HYKK: variants seen among roughly 807,000 people sequenced by gnomAD.
HYKK encodes the protein hydroxylysine kinase.
HYKK carries 19 observed loss-of-function variants against 29.7 expected under a neutral mutation model. The ratio of observed to expected loss-of-function variants is 0.64; its 90% CI spans 0.45 to 0.94. The LOEUF (loss-of-function observed/expected upper bound fraction) is 0.94, where lower values mean the gene tolerates loss of function less well. HYKK is among the 40% of genes least tolerant of loss of function. The pLI is 0.00. For synonymous variants in HYKK, 152 were observed against 158.1 expected, an observed-to-expected ratio of 0.96 and a Z score of 0.29; for missense variants, 390 against 443.4, an observed-to-expected ratio of 0.88 and a Z score of 1.08.
At chr15:78,527,812 A>G (rs2052270823) in intron 4 of HYKK, 1 of 1,045,298 alleles carries the variant, frequency 9.6e-7, no homozygotes, top group South Asian at 2.5e-5. Context: ...TGTATGATTT[A>G]TAAATTATTT....
intron 3 of HYKK, among the ~76,000 whole-genome samples, chr15:78,524,789 A>G (rs1383485824): frequency 6.6e-6 from 1 of 152,138 alleles, no homozygotes; most frequent in Admixed American, 6.6e-5. Flanking sequence ...AGCCTGGGCA[A>G]CAGAGAGAGA....
Position 78,533,289 on chromosome 15 carries a change from A to G in HYKK, c.741A>G (p.Gln247=), listed in dbSNP as rs2052329431. 8 of 1,614,108 alleles carry G rather than the reference A, an allele frequency of 5.0e-6. No individual in the cohort carries two copies. The highest frequency in any genetic ancestry group is 6.8e-6 in the Non-Finnish European group (8 of 1,179,918). The change falls in exon 5 of 5, where the codon CAA becomes CAG. Residue 247 remains glutamine, a synonymous_variant. Transcript: ENST00000388988. Reference sequence around the variant, plus strand: ...CAGCCTCTGGAAATGCTGAATATCAAGTGTCTGGGATTTTAGACTTTGGTG... The same window carrying G: ...CAGCCTCTGGAAATGCTGAATATCAGGTGTCTGGGATTTTAGACTTTGGTG... ...SKSASGNAEY[Q]VSGILDFGDM... is the part of the protein sequence containing the mutation.
intron 4 of HYKK, among the ~76,000 whole-genome samples, chr15:78,530,277 T>G (rs1370842902): frequency 1.3e-5 from 2 of 151,618 alleles, no homozygotes; most frequent in South Asian, 4.2e-4. Context: ...CTCAGCTCAC[T>G]GCAACGTCCA....
intron 3 of HYKK, among the ~76,000 whole-genome samples, chr15:78,516,430 C>T (rs150002817): frequency 2.7e-5 from 4 of 149,504 alleles, no homozygotes; most frequent in Non-Finnish European, 4.4e-5. Flanking sequence ...AATGCAGCCT[C>T]GAATTCCCAG....
At chr15:78,527,311 A>C in intron 3 of HYKK, 69 bp from the exon 4 acceptor site, 7 of 1,194,534 alleles carry the variant, frequency 5.9e-6, no homozygotes, top group Non-Finnish European at 7.1e-6. Context: ...AAAAATGTGC[A>C]GCACCTCCCA....
chr15:78,526,571 G>A (rs984903711), intron 3 of HYKK, among the ~76,000 whole-genome samples: 1 of 152,202 alleles, frequency 6.6e-6, no homozygotes, highest in Non-Finnish European at 1.5e-5. Flanking sequence ...GCTGTGAGGT[G>A]GGAACGTGCC....
At chr15:78,520,965 G>A (rs1250307137) in intron 3 of HYKK, among the ~76,000 whole-genome samples, 2 of 151,888 alleles carry the variant, frequency 1.3e-5, no homozygotes, top group South Asian at 2.1e-4. Context: ...CGGGCGGGGG[G>A]CTGACCCCCC....
intron 4 of HYKK, among the ~76,000 whole-genome samples, chr15:78,532,804 A>C (rs914028406): frequency 6.6e-6 from 1 of 152,220 alleles, no homozygotes; most frequent in African/African-American, 2.4e-5. Flanking sequence ...AAGAATAAAA[A>C]TTTAAAAATA....
Position 78,534,669 on chromosome 15 carries a change from G to C in HYKK, c.*999G>C, listed in dbSNP as rs1238603980. 1 of 152,144 alleles carries C rather than the reference G, an allele frequency of 6.6e-6. No individual in the cohort carries two copies. Among genetic ancestry groups the C allele is most frequent in the African/African-American group, 2.4e-5 (1 of 41,434 alleles). The allele number at this position is 152,144 out of a possible 1,614,324, so 9.4% of individuals were successfully genotyped here. ...GGATGGAGAAGGCACACACTAAGAT[G>C]CTTTAGGAGAAAGCATTGACAGCAT... On this transcript the variant is annotated 3_prime_UTR_variant, in exon 5 of 5. Coordinates refer to ENST00000388988, the MANE Select transcript of HYKK (RefSeq NM_001013619.4).
chr15:78,528,680 G>C (rs1386851099), intron 4 of HYKK: 2 of 310,688 alleles, frequency 6.4e-6, no homozygotes, highest in Non-Finnish European at 9.4e-6. Flanking sequence ...ACGCGTGCCT[G>C]TAATCTCAGC....
intron 1 of HYKK, among the ~76,000 whole-genome samples, chr15:78,512,545 G>A (rs943930332): frequency 9.9e-5 from 15 of 151,740 alleles, no homozygotes; most frequent in Admixed American, 5.3e-4. Flanking sequence ...GGGATTACAG[G>A]CGCCCACCAC....
At chr15:78,520,684 C>T (rs2052183938) in intron 3 of HYKK, among the ~76,000 whole-genome samples, 1 of 152,206 alleles carries the variant, frequency 6.6e-6, no homozygotes, top group Admixed American at 6.5e-5. Flanking sequence ...ATGTTTTCCC[C>T]ACCTCTCCCC....
chr15:78,522,464 C>T (rs2052206934), intron 3 of HYKK, among the ~76,000 whole-genome samples: 1 of 144,730 alleles, frequency 6.9e-6, no homozygotes, highest in Non-Finnish European at 1.5e-5. Flanking sequence ...GAGGCTGAGG[C>T]AGGAGAATCG....
chr15:78,515,221 G>T (rs1596028148), intron 3 of HYKK, 114 bp downstream of exon 3: 1 of 717,590 alleles, frequency 1.4e-6, no homozygotes. Context: ...CCTAAGGTAT[G>T]TTATGAAGGG....
intron 2 of HYKK, 36 bp downstream of exon 2, chr15:78,513,461 C>A (rs2052096702): frequency 7.0e-7 from 1 of 1,429,988 alleles, no homozygotes; most frequent in Non-Finnish European, 9.7e-7. Flanking sequence ...CATTACCTAT[C>A]CAGACACATC....
At chr15:78,527,121 C>T (rs908011972) in intron 3 of HYKK, among the ~76,000 whole-genome samples, 4 of 131,298 alleles carry the variant, frequency 3.0e-5, no homozygotes, top group Non-Finnish European at 5.0e-5. Context: ...ACTAATAATA[C>T]AAAAAAAAAA....
In HYKK at chr15:78,534,877, A is replaced by T. The variant is rs943578977; in HGVS notation, c.*1207A>T. On this transcript the variant is annotated 3_prime_UTR_variant, in exon 5 of 5. Coordinates refer to ENST00000388988, the MANE Select transcript of HYKK (RefSeq NM_001013619.4). ...ACTGATACCAGGAACCTCCTTAAGC[A>T]TATAAGCATATATTTTTTAATTCTC... 8 of 152,204 alleles carry T rather than the reference A, an allele frequency of 5.3e-5. No individual in the cohort carries two copies. Among genetic ancestry groups the T allele is most frequent in the Non-Finnish European group, 1.2e-4 (8 of 68,032 alleles). 9.4% of individuals were successfully genotyped at this position (152,204 alleles called of 1,614,324 possible). A position where few individuals can be genotyped will look rare whatever the true frequency, so the allele number is the denominator to read the frequency against.
At position 78,526,204 on chromosome 15, in the gene HYKK, T is replaced by G. The variant is rs77221112; in HGVS notation, c.478-1176T>G. Among the ~76,000 whole-genome samples, 161 of 152,316 alleles carry G rather than the reference T, an allele frequency of 1.1e-3. 2 individuals carry two copies. In the East Asian group the frequency reaches 0.03, roughly 29 times the overall value. ...AGAACATCCTTTAATTCAGCAAATA[T>G]TGCTCAAGCAGTGCCTTCAATGTGC... On this transcript the variant is annotated intron_variant, in intron 3 of 4. Transcript: ENST00000388988.
rs1271025557 is a variant in HYKK at position 78,535,208 on chromosome 15, C to G, written c.*1538C>G. The G allele has an allele frequency of 6.6e-6, 1 of 151,950 alleles. No individual in the cohort carries two copies. The highest frequency in any genetic ancestry group is 6.6e-5 in the Admixed American group (1 of 15,246). The allele number at this position is 151,950 out of a possible 1,614,324, so 9.4% of individuals were successfully genotyped here. ...CCTAGTCTTCCCAAACTAGATATTT[C>G]TCTAAATTGTCTTATATGGTTCATT... is the stretch of plus-strand genomic sequence containing the variant. On this transcript the variant is annotated 3_prime_UTR_variant, in exon 5 of 5. Transcript: ENST00000388988.
Sources: allele counts gnomAD v4.1 joint callset (sites outside exome capture counted in the v4.1 genomes callset), GRCh38; gene constraint gnomAD v4.1.1; transcripts MANE v1.5; gene names NCBI Gene and HGNC (gene_info 2026-07-23, HGNC 2026-07-21).